HK2: variants seen among roughly 807,000 people sequenced by gnomAD.
HK2 encodes the protein hexokinase 2.
A neutral mutation model predicts 92.9 loss-of-function variants in HK2; 42 were observed. The observed-to-expected ratio is 0.45, with a 90% CI of 0.35 to 0.58. HK2 has a LOEUF of 0.58. HK2 is among the 20% of genes least tolerant of loss of function. The pLI is 0.00. For missense variants in HK2, 978 were observed against 1,245.1 expected, an observed-to-expected ratio of 0.79 and a Z score of 3.23; for synonymous variants, 422 against 468.0, an observed-to-expected ratio of 0.90 and a Z score of 1.27.
intron 1 of HK2, 144 bp from the exon 2 acceptor site, chr2:74,854,149 G>T (rs531624588): frequency 3.7e-6 from 3 of 806,470 alleles, no homozygotes; most frequent in Non-Finnish European, 6.3e-6. Context: ...TGTCAAATCG[G>T]TTCCTACTAA....
At chr2:74,886,734 A>G in intron 15 of HK2, 61 bp downstream of exon 15, 3 of 1,549,030 alleles carry the variant, frequency 1.9e-6, no homozygotes, top group Non-Finnish European at 2.7e-6. Flanking sequence ...ACAAGTGATC[A>G]GAGCTTCCAC....
At chr2:74,878,603 A>G in intron 8 of HK2, 85 bp from the exon 9 acceptor site, 1 of 1,070,538 alleles carries the variant, frequency 9.3e-7, no homozygotes, top group East Asian at 2.6e-5. Flanking sequence ...TGCTGGAACT[A>G]AAGGGCTTCC....
chr2:74,888,713 C>T (rs1573393974), intron 16 of HK2, among the ~76,000 whole-genome samples: 1 of 152,126 alleles, frequency 6.6e-6, no homozygotes, highest in African/African-American at 2.4e-5. Context: ...TTATGTTCAG[C>T]GAGGTGATTC....
intron 16 of HK2, among the ~76,000 whole-genome samples, 194 bp from the exon 17 acceptor site, chr2:74,889,051 G>A (rs542782351): frequency 1.3e-5 from 2 of 152,322 alleles, no homozygotes; most frequent in Non-Finnish European, 2.9e-5. Context: ...TCCTGTCACC[G>A]TCAGGAAGAG....
In HK2 at chr2:74,882,208, C is replaced by G; in HGVS notation, c.1808C>G (p.Ser603Cys). 6.2e-7 allele frequency: 1 copy of G among 1,614,128 alleles called. No homozygotes were observed. Among genetic ancestry groups the G allele is most frequent in the East Asian group, 2.2e-5 (1 of 44,868 alleles). ...GVSLPLGFTFSFPCQQNSLDE... is the reference protein window; with the variant it reads ...GVSLPLGFTFCFPCQQNSLDE... ...TCCCTGCCTCTGGGTTTTACCTTCT[C>G]CTTCCCCTGCCAGCAGAACAGCCTG... The change falls in exon 12 of 18, where the codon TCC becomes TGC. Residue 603 changes from serine (S) to cysteine (C), a missense_variant. By Grantham distance (112) the Ser-to-Cys change is moderately radical. Transcript: ENST00000290573.
chr2:74,871,919 A>G (rs1689108343), intron 3 of HK2, among the ~76,000 whole-genome samples: 1 of 152,122 alleles, frequency 6.6e-6, no homozygotes, highest in African/African-American at 2.4e-5. Context: ...TTCCATGTCA[A>G]TGGGTTTCTG....
At chr2:74,854,603 C>T (rs142716543) in intron 2 of HK2, 148 bp downstream of exon 2, 116 of 880,796 alleles carry the variant, frequency 1.3e-4, no homozygotes, top group East Asian at 3.2e-4. Flanking sequence ...GGCTGTGTGA[C>T]GGATGGACAG....
chr2:74,835,158 G>C (rs901980707), intron 1 of HK2: 3 of 187,142 alleles, frequency 1.6e-5, no homozygotes, highest in African/African-American at 4.8e-5. Context: ...GGGTGGGCTC[G>C]AGGAGAAGCT....
At chr2:74,855,817 G>C (rs903870653) in intron 2 of HK2, among the ~76,000 whole-genome samples, 4 of 152,160 alleles carry the variant, frequency 2.6e-5, no homozygotes, top group African/African-American at 9.7e-5. Flanking sequence ...TGGTGGGTGG[G>C]CAAAAAGAGT....
intron 3 of HK2, 26 bp from the exon 4 acceptor site, chr2:74,872,274 C>A (rs1356432564): frequency 1.2e-6 from 2 of 1,613,410 alleles, no homozygotes; most frequent in Non-Finnish European, 1.7e-6. Flanking sequence ...CCTCTCTGCT[C>A]ACCACCCTGT....
Position 74,881,754 on chromosome 2 carries a change from C to T in HK2, c.1614C>T (p.Phe538=). The change falls in exon 11 of 18, where the codon TTC becomes TTT. Residue 538 remains phenylalanine (F), a synonymous_variant. Coordinates refer to ENST00000290573, the MANE Select transcript of HK2 (RefSeq NM_000189.5). The part of the protein sequence containing the change: ...FLALDLGGTN[F]RVLLVRVRNG... ...CCTTGGACCTTGGAGGAACAAATTTCCGGGTCCTGCTGGTCCGTGTTCGGA... is the reference window on the plus strand; with the variant it reads ...CCTTGGACCTTGGAGGAACAAATTTTCGGGTCCTGCTGGTCCGTGTTCGGA... 1 of 1,614,202 alleles carries T rather than the reference C, an allele frequency of 6.2e-7. No individual in the cohort carries two copies. Among genetic ancestry groups the T allele is most frequent in the Non-Finnish European group, 8.5e-7 (1 of 1,180,038 alleles).
At chr2:74,870,579 A>AT (rs1689075050) in intron 3 of HK2, among the ~76,000 whole-genome samples, 1 of 99,136 alleles carries the variant, frequency 1.0e-5, no homozygotes, top group African/African-American at 3.6e-5. Flanking sequence ...TTTTTTTGGG[A>AT]TAAAAACTAT....
At chr2:74,862,935 A>C (rs1222743668) in intron 2 of HK2, among the ~76,000 whole-genome samples, 2 of 152,210 alleles carry the variant, frequency 1.3e-5, no homozygotes, top group Non-Finnish European at 2.9e-5. Flanking sequence ...TGAGTGTCAG[A>C]TTTCTAATAA....
At chr2:74,855,055 G>A (rs543625153) in intron 2 of HK2, among the ~76,000 whole-genome samples, 49 of 152,318 alleles carry the variant, frequency 3.2e-4, no homozygotes, top group African/African-American at 1.2e-3. Context: ...GGCGTGCAAT[G>A]ATGCGATCTC....
intron 1 of HK2, among the ~76,000 whole-genome samples, chr2:74,853,299 T>G (rs1409096255): frequency 1.3e-5 from 2 of 151,996 alleles, no homozygotes; most frequent in Non-Finnish European, 2.9e-5. Flanking sequence ...GGTGGATAGC[T>G]TGAGTCCAGG....
rs749015495 is a variant in HK2, at chr2:74,878,892, C to T, written c.1236C>T (p.Val412=). Residue 412 remains valine, a synonymous_variant, in exon 9 of 18, where the codon GTC becomes GTT. Transcript: ENST00000290573. ...GEERLRSTIG[V]DGSVYKKHPH... ...AGCGGCTGCGCTCTACTATTGGGGT[C>T]GACGGTTCCGTCTACAAGAAACACC... The T allele has an allele frequency of 1.8e-5, 28 of 1,551,350 alleles. 1 individual carries two copies. The highest frequency in any genetic ancestry group is 1.7e-4 in the South Asian group (14 of 84,078).
At chr2:74,890,265 A>G (rs920896917) in intron 17 of HK2, among the ~76,000 whole-genome samples, 65 of 152,348 alleles carry the variant, frequency 4.3e-4, no homozygotes, top group African/African-American at 1.4e-3. Flanking sequence ...TCTCTGGTCC[A>G]TATAGGAAGG....
chr2:74,840,060 G>T (rs371235372), intron 1 of HK2, among the ~76,000 whole-genome samples: 1 of 141,228 alleles, frequency 7.1e-6, no homozygotes. Flanking sequence ...GGTTCCTGCC[G>T]TTCGCCTGCC....
At position 74,886,351 on chromosome 2, in the gene HK2, T is replaced by C. The variant is rs753890410; in HGVS notation, c.1993T>C (p.Cys665Arg). 2 of 1,614,174 alleles carry C rather than the reference T, an allele frequency of 1.2e-6. No individual in the cohort carries two copies. Among genetic ancestry groups the C allele is most frequent in the Non-Finnish European group, 1.7e-6 (2 of 1,180,030 alleles). ...VNDTVGTMMTCGFEDPHCEVG... is the reference protein window; with the variant it reads ...VNDTVGTMMTRGFEDPHCEVG... ...CGACACAGTCGGAACTATGATGACC[T>C]GTGGCTTTGAAGACCCTCACTGTGA... The change falls in exon 14 of 18, where the codon TGT becomes CGT. Residue 665 changes from cysteine (C) to arginine (R), a missense_variant. This residue lies in a region of HK2 where 742 missense variants were observed against 922.5 expected (regional missense o/e 0.80). Coordinates refer to ENST00000290573, the MANE Select transcript of HK2 (RefSeq NM_000189.5).
Sources: gnomAD v4.1 joint callset for allele counts (sites outside exome capture counted in the v4.1 genomes callset) on GRCh38, gnomAD v4.1.1 for gene constraint, gnomAD v4.1.1 regional missense constraint, MANE v1.5 for transcripts, NCBI Gene and HGNC (gene_info 2026-07-23, HGNC 2026-07-21) for gene names.